ADPGK: variants seen among roughly 807,000 people sequenced by gnomAD.
ADPGK encodes the protein ADP-dependent glucokinase.
Under a neutral mutation model 42.4 loss-of-function variants are expected in ADPGK, and 26 were observed. That is an observed-to-expected ratio of 0.61 (90% CI 0.45 to 0.85). The LOEUF is 0.85. Among genes scored for constraint, ADPGK ranks in the 40% least tolerant of loss-of-function variants. ADPGK has a pLI of 0.00. For missense variants in ADPGK, 571 were observed against 627.0 expected (o/e 0.91, Z 0.95); for synonymous variants, 267 against 252.6 (o/e 1.06, Z -0.54).
chr15:72,754,705 T>C (rs570358117), intron 6 of ADPGK, among the ~76,000 whole-genome samples: 2 of 152,232 alleles, frequency 1.3e-5, no homozygotes, highest in African/African-American at 4.8e-5. Flanking sequence ...ATTTTAACCA[T>C]ATGGCTATGA....
intron 1 of ADPGK, among the ~76,000 whole-genome samples, chr15:72,778,940 C>A (rs1266678492): frequency 1.3e-5 from 2 of 152,068 alleles, no homozygotes; most frequent in Non-Finnish European, 2.9e-5. Context: ...TTGCAAAATG[C>A]GGTAAGATCG....
intron 1 of ADPGK, among the ~76,000 whole-genome samples, chr15:72,782,506 CAG>C (rs895413204): frequency 4.6e-5 from 5 of 107,878 alleles, no homozygotes; most frequent in Admixed American, 3.0e-4. Context: ...GCCTAGGCGA[CAG>C]AGAGAGAGAC....
In ADPGK at chr15:72,758,417, AAGAGAGAATGTGGAAAAAAAAATGGAC is replaced by A. The variant is rs2066144735; in HGVS notation, c.643+1963_644-1971del. ...ATGGGCTTCTCTGGGGAGATCTGGT[AAGAGAGAATGTGGAAAAAAAAATGGAC>A]AAATCCCTTGGAATTTCCCTATTGA... On this transcript the variant is annotated intron_variant, in intron 4 of 6. Coordinates refer to ENST00000456471, the MANE Select transcript of ADPGK (RefSeq NM_001365225.1). The A allele has an allele frequency of 8.3e-6, 4 of 483,754 alleles. No homozygotes were observed. In the East Asian group the frequency reaches 1.5e-4, roughly 18 times the overall value. The allele number at this position is 483,754 out of a possible 1,614,324, so 30.0% of individuals were successfully genotyped here.
chr15:72,766,666 ATTTGT>A (rs2066264376), intron 3 of ADPGK, among the ~76,000 whole-genome samples: 1 of 152,214 alleles, frequency 6.6e-6, no homozygotes, highest in South Asian at 2.1e-4. Context: ...TTATTGCAGT[ATTTGT>A]TTTATTGCAG....
rs1214192079 is a variant in ADPGK, at chr15:72,774,917, A to C, written c.414T>G (p.Thr138=). The C allele has an allele frequency of 1.2e-6, 2 of 1,613,992 alleles. No individual in the cohort carries two copies. The highest frequency in any genetic ancestry group is 2.7e-5 in the African/African-American group (2 of 74,918). Residue 138 remains threonine (T), a synonymous_variant, in exon 2 of 7, where the codon ACT becomes ACG. Transcript: ENST00000456471. ...ATGCAACCTGGGCAATGTCGTGAAA[A>C]GTTTCCTTATCACTGAAGAAGCGCT... ...AAERFFSDKE[T]FHDIAQVASE...
chr15:72,774,415 C>G (rs985068466), intron 2 of ADPGK, among the ~76,000 whole-genome samples: 2 of 152,168 alleles, frequency 1.3e-5, no homozygotes, highest in South Asian at 2.1e-4. Flanking sequence ...GGGTCTCCAG[C>G]CCCAGCACTG....
chr15:72,775,330 T>G (rs2066378784), intron 1 of ADPGK, among the ~76,000 whole-genome samples: 1 of 152,240 alleles, frequency 6.6e-6, no homozygotes, highest in South Asian at 2.1e-4. Context: ...ACTTTTACAC[T>G]AGTTACAAAG....
intron 1 of ADPGK, among the ~76,000 whole-genome samples, chr15:72,779,883 T>A (rs1295772394): frequency 6.6e-6 from 1 of 152,216 alleles, no homozygotes; most frequent in Admixed American, 6.5e-5. Flanking sequence ...TGAAATCCCA[T>A]AACAATGTAT....
rs763023425 is a variant in ADPGK, at chr15:72,752,590, G to A, written c.1245C>T (p.Cys415=). The change falls in exon 7 of 7, where the codon TGC becomes TGT. Residue 415 remains cysteine (C), a synonymous_variant. Transcript: ENST00000456471. ...GGCTGGTGTCTATGGTTTCTGTGGCGCAGGCCTGTGTCCCAGCCACACGAG... is the reference window on the plus strand; with the variant it reads ...GGCTGGTGTCTATGGTTTCTGTGGCACAGGCCTGTGTCCCAGCCACACGAG... ...AGARVAGTQA[C]ATETIDTSRV... is the part of the protein sequence containing the mutation. The A allele has an allele frequency of 6.8e-6, 11 of 1,614,054 alleles. No individual in the cohort carries two copies. The highest frequency in any genetic ancestry group is 2.7e-5 in the African/African-American group (2 of 74,920).
chr15:72,768,714 G>C (rs531755603), intron 3 of ADPGK, among the ~76,000 whole-genome samples: 2 of 152,044 alleles, frequency 1.3e-5, no homozygotes, highest in Non-Finnish European at 2.9e-5. Flanking sequence ...GCTCACACCT[G>C]TAATCCCAGC....
At chr15:72,773,116 T>TA (rs34084971) in intron 2 of ADPGK, among the ~76,000 whole-genome samples, 1 of 148,066 alleles carries the variant, frequency 6.8e-6, no homozygotes, top group Admixed American at 6.7e-5. Flanking sequence ...GATGAGCTAT[T>TA]AAAAAAAAAG....
rs1223739479 is a variant in ADPGK at position 72,758,630 on chromosome 15, T to C, written c.643+1777A>G. On this transcript the variant is annotated intron_variant, in intron 4 of 6. Transcript: ENST00000456471. The stretch of plus-strand genomic sequence containing the variant: ...CAGAAGAGGCATAGGAAAGAAAAAC[T>C]GAAGTGTGAAGCTTATAAACCCAAG... 1.6e-5 allele frequency: 3 copies of C among 191,538 alleles called. No individual in the cohort carries two copies. In the East Asian group the frequency reaches 4.3e-4, roughly 28 times the overall value. 11.9% of individuals were successfully genotyped at this position (191,538 alleles called of 1,614,324 possible). A position where few individuals can be genotyped will look rare whatever the true frequency, so the allele number is the denominator to read the frequency against.
intron 4 of ADPGK, 200 bp downstream of exon 4, chr15:72,760,207 T>A: frequency 4.3e-6 from 2 of 461,906 alleles, no homozygotes; most frequent in Non-Finnish European, 6.9e-6. Flanking sequence ...GGAATTTTCT[T>A]CCATGTTATA....
intron 3 of ADPGK, among the ~76,000 whole-genome samples, chr15:72,760,742 C>T (rs1185911045): frequency 1.3e-5 from 2 of 152,092 alleles, no homozygotes; most frequent in African/African-American, 2.4e-5. Context: ...ATAATGTACC[C>T]AGAACTGAGA....
intron 3 of ADPGK, among the ~76,000 whole-genome samples, chr15:72,767,574 G>C (rs2066276382): frequency 6.6e-6 from 1 of 152,044 alleles, no homozygotes; most frequent in South Asian, 2.1e-4. Context: ...CAAAAACTTA[G>C]TAGGATTCAG....
At chr15:72,782,542 A>AG (rs1224804612) in intron 1 of ADPGK, among the ~76,000 whole-genome samples, 4 of 151,030 alleles carry the variant, frequency 2.6e-5, no homozygotes, top group Non-Finnish European at 5.9e-5. Flanking sequence ...AAAAAAAAAA[A>AG]AAAAAACCCC....
At chr15:72,755,832 A>G in intron 5 of ADPGK, 178 bp from the exon 6 acceptor site, 1 of 650,620 alleles carries the variant, frequency 1.5e-6, no homozygotes, top group Non-Finnish European at 2.8e-6. Context: ...CACTCTTCCC[A>G]CCAGGGAAGA....
intron 3 of ADPGK, among the ~76,000 whole-genome samples, chr15:72,763,817 C>T (rs983598612): frequency 1.3e-5 from 2 of 152,192 alleles, no homozygotes; most frequent in African/African-American, 4.8e-5. Context: ...GTGCTCACTT[C>T]GTGTCTCTGT....
Position 72,783,675 on chromosome 15 carries a change from C to T in ADPGK, c.17G>A (p.Gly6Asp). 6 of 1,500,502 alleles carry T rather than the reference C, an allele frequency of 4.0e-6. No individual in the cohort carries two copies. Among genetic ancestry groups the T allele is most frequent in the Non-Finnish European group, 5.3e-6 (6 of 1,131,674 alleles). The allele number at this position is 1,500,502 out of a possible 1,614,324, so 92.9% of individuals were successfully genotyped here. ...CGCCAGGAAGCCCGCGTACGCGGAG[C>T]CGCGCCACAGCGCCATGGGGACCCA... MALWR[G>D]SAYAGFLALA... Residue 6 changes from glycine to aspartate, a missense_variant, in exon 1 of 7, where the codon GGC (glycine) becomes GAC (aspartate). Gly to Asp is a moderately conservative substitution (Grantham distance 94). Around this residue, in one of 2 missense-constraint regions of ADPGK, gnomAD observed 137 missense variants for 104.2 expected, o/e 1.31. Transcript: ENST00000456471.
Sources: gnomAD v4.1 joint callset for allele counts (sites outside exome capture counted in the v4.1 genomes callset) on GRCh38, gnomAD v4.1.1 for gene constraint, gnomAD v4.1.1 regional missense constraint, MANE v1.5 for transcripts, NCBI Gene and HGNC (gene_info 2026-07-23, HGNC 2026-07-21) for gene names.